SPATA33: variants seen among roughly 807,000 people sequenced by gnomAD.
SPATA33 encodes the protein spermatogenesis associated 33.
SPATA33 carries 10 observed loss-of-function variants against 8.9 expected under a neutral mutation model. That is an observed-to-expected ratio of 1.12 (90% CI 0.69 to 1.90). The LOEUF (loss-of-function observed/expected upper bound fraction) is 1.90. SPATA33 is among the 40% of genes most tolerant of loss of function. SPATA33 has a pLI of 0.00. For missense variants in SPATA33, 241 were observed against 178.3 expected (o/e 1.35, Z -2.00); for synonymous variants, 96 against 72.8 (o/e 1.32, Z -1.63).
At chr16:89,664,953 C>T (rs929848273) in intron 2 of SPATA33, among the ~76,000 whole-genome samples, 2 of 152,184 alleles carry the variant, frequency 1.3e-5, no homozygotes, top group Non-Finnish European at 2.9e-5. Context: ...TGTTGTGCAG[C>T]AATAGAAGTA....
intron 2 of SPATA33, chr16:89,660,632 A>G (rs1031279967): frequency 4.7e-6 from 5 of 1,058,476 alleles, no homozygotes; most frequent in African/African-American, 1.6e-5. Flanking sequence ...GAGACAAGCC[A>G]GAGGAAAGAC....
chr16:89,661,581 C>G (rs960925302), intron 2 of SPATA33: 1 of 152,104 alleles, frequency 6.6e-6, no homozygotes, highest in Non-Finnish European at 1.5e-5. Context: ...TACTGTTACC[C>G]CTACTACTTC....
At position 89,657,954 on chromosome 16, in the gene SPATA33, G is replaced by T; in HGVS notation, c.37+6G>T. 6.6e-7 allele frequency: 1 copy of T among 1,514,056 alleles called. No individual in the cohort carries two copies. The highest frequency in any genetic ancestry group is 1.2e-5 in the South Asian group (1 of 81,758). The allele number at this position is 1,514,056 out of a possible 1,614,324, so 93.8% of individuals were successfully genotyped here. On this transcript the variant is annotated splice_donor_region_variant and intron_variant, in intron 1 of 2. Transcript: ENST00000579310. The stretch of plus-strand genomic sequence containing the variant: ...CAAAGAGAAACCCAGGAAAGGTAAA[G>T]GAGGCGCAGGCGCTGGGCTCCCCGC...
chr16:89,664,074 G>A (rs1169133541), intron 2 of SPATA33, among the ~76,000 whole-genome samples: 2 of 152,160 alleles, frequency 1.3e-5, no homozygotes, highest in Non-Finnish European at 2.9e-5. Flanking sequence ...AGCCAAGATC[G>A]TGCCACTGCC....
chr16:89,658,781 T>C (rs1486621716), intron 2 of SPATA33: 2 of 291,598 alleles, frequency 6.9e-6, no homozygotes, highest in Admixed American at 8.8e-5. Flanking sequence ...TGGGAGGCCG[T>C]CCCAGGCTGG....
intron 2 of SPATA33, among the ~76,000 whole-genome samples, chr16:89,665,789 A>T (rs1449139995): frequency 6.6e-6 from 1 of 152,212 alleles, no homozygotes; most frequent in Non-Finnish European, 1.5e-5. Context: ...CATCTAAAGA[A>T]TAAAAATGAG....
intron 2 of SPATA33, among the ~76,000 whole-genome samples, chr16:89,668,374 C>T (rs946745087): frequency 2.6e-5 from 4 of 152,250 alleles, no homozygotes; most frequent in South Asian, 2.1e-4. Context: ...CATCCTACCT[C>T]GCATCCAGGT....
chr16:89,660,763 T>C (rs1407987540), intron 2 of SPATA33: 2 of 869,380 alleles, frequency 2.3e-6, no homozygotes, highest in Non-Finnish European at 3.0e-6. Context: ...AAGAGGACTT[T>C]GGAGGGTGAT....
At chr16:89,664,196 T>C (rs1164152119) in intron 2 of SPATA33, among the ~76,000 whole-genome samples, 1 of 152,178 alleles carries the variant, frequency 6.6e-6, no homozygotes, top group African/African-American at 2.4e-5. Flanking sequence ...CCCCAAACTC[T>C]TATAAACAAT....
chr16:89,661,962 C>T (rs1394478957), intron 2 of SPATA33, among the ~76,000 whole-genome samples: 1 of 152,090 alleles, frequency 6.6e-6, no homozygotes, highest in Non-Finnish European at 1.5e-5. Flanking sequence ...TACACTGCAA[C>T]ATTTATGGGT....
At position 89,670,069 on chromosome 16, in the gene SPATA33, CGTG is replaced by C. The variant is rs2060082328; in HGVS notation, c.*574_*576del. On this transcript the variant is annotated 3_prime_UTR_variant, in exon 3 of 3. Coordinates refer to ENST00000579310, the MANE Select transcript of SPATA33 (RefSeq NM_001271907.2). ...AGGGCCACCCCACCCTGTGAGAAGCCGTGGCCCCCTTCTCCAGTGCTTTCGGGG... is the reference window on the plus strand; with the variant it reads ...AGGGCCACCCCACCCTGTGAGAAGCCGCCCCCTTCTCCAGTGCTTTCGGGG... 7.4e-6 allele frequency: 1 copy of C among 134,876 alleles called. No homozygotes were observed. Among genetic ancestry groups the C allele is most frequent in the African/African-American group, 2.9e-5 (1 of 34,246 alleles). The allele number at this position is 134,876 out of a possible 1,614,324, so 8.4% of individuals were successfully genotyped here. A position where few individuals can be genotyped will look rare whatever the true frequency, so the allele number is the denominator to read the frequency against.
intron 2 of SPATA33, among the ~76,000 whole-genome samples, chr16:89,663,571 G>C (rs1283734988): frequency 2.0e-5 from 3 of 152,034 alleles, no homozygotes; most frequent in Non-Finnish European, 4.4e-5. Flanking sequence ...AACATTCTCT[G>C]AATGACAAAA....
intron 2 of SPATA33, among the ~76,000 whole-genome samples, chr16:89,666,630 G>C (rs555236946): frequency 2.0e-5 from 3 of 152,170 alleles, no homozygotes; most frequent in Non-Finnish European, 4.4e-5. Flanking sequence ...ATAAAAGACA[G>C]CTGGGCCCGG....
At chr16:89,669,020 C>T (rs1416252064) in intron 2 of SPATA33, among the ~76,000 whole-genome samples, 2 of 152,196 alleles carry the variant, frequency 1.3e-5, no homozygotes, top group Admixed American at 1.3e-4. Context: ...GTCGCCCTGA[C>T]ACCATCCTGC....
intron 2 of SPATA33, among the ~76,000 whole-genome samples, chr16:89,667,549 G>A (rs1434296802): frequency 6.6e-6 from 1 of 152,196 alleles, no homozygotes; most frequent in Non-Finnish European, 1.5e-5. Context: ...GGTGGTCCCA[G>A]CTACTTGGAA....
intron 2 of SPATA33, chr16:89,660,519 G>C: frequency 8.1e-7 from 1 of 1,231,898 alleles, no homozygotes; most frequent in Non-Finnish European, 1.0e-6. Flanking sequence ...ATAAAATGAA[G>C]TGTGCACGCT....
chr16:89,664,671 C>T (rs1046858030), intron 2 of SPATA33, among the ~76,000 whole-genome samples: 1 of 151,796 alleles, frequency 6.6e-6, no homozygotes, highest in South Asian at 2.1e-4. Context: ...CTTTAGGGCC[C>T]GACCTGATCA....
In SPATA33 at chr16:89,669,403, A is replaced by C. The variant is rs984977066; in HGVS notation, c.329A>C (p.Gln110Pro). 4 of 1,614,086 alleles carry C rather than the reference A, an allele frequency of 2.5e-6. No individual in the cohort carries two copies. The African/African-American group carries it at 5.3e-5, about 22-fold the overall frequency. Residue 110 changes from glutamine (Q) to proline (P), a missense_variant, in exon 3 of 3, where the codon CAG becomes CCG. Physicochemically the swap from Gln to Pro is moderately conservative, Grantham distance 76 (BLOSUM62 -1). Coordinates refer to ENST00000579310, the MANE Select transcript of SPATA33 (RefSeq NM_001271907.2). ...TGCAGTTCCAGCGGGAGTGACCAGC[A>C]GAGAACCATTCGGGAGCCGGAGGAC... ...VSCSSSGSDQ[Q>P]RTIREPEDWG...
chr16:89,658,528 C>T (rs2151522834), intron 2 of SPATA33, 107 bp downstream of exon 2: 7 of 1,398,866 alleles, frequency 5.0e-6, no homozygotes, highest in East Asian at 2.5e-5. Context: ...TAGTAGCAGG[C>T]ACGCGCCGTA....
Sources: allele counts gnomAD v4.1 joint callset (sites outside exome capture counted in the v4.1 genomes callset), GRCh38; gene constraint gnomAD v4.1.1; transcripts MANE v1.5; gene names NCBI Gene and HGNC (gene_info 2026-07-23, HGNC 2026-07-21).